CORO7: variants seen among roughly 807,000 people sequenced by gnomAD.
CORO7 encodes the protein coronin 7, also known as coronin-7.
Under a neutral mutation model 126.6 loss-of-function variants are expected in CORO7, and 107 were observed. That is an observed-to-expected ratio of 0.85 (90% CI 0.72 to 0.99). CORO7 has a LOEUF of 0.99. Among genes scored for constraint, CORO7 ranks in the 50% least tolerant of loss-of-function variants. CORO7 has a pLI of 0.00. For missense variants in CORO7, 1,314 were observed against 1,255.8 expected, an observed-to-expected ratio of 1.05 and a Z score of -0.70; for synonymous variants, 603 against 536.8, an observed-to-expected ratio of 1.12 and a Z score of -1.70.
At chr16:4,403,550 C>T (rs1253033965) in intron 6 of CORO7, among the ~76,000 whole-genome samples, 1 of 152,144 alleles carries the variant, frequency 6.6e-6, no homozygotes, top group African/African-American at 2.4e-5. Flanking sequence ...CAACTTTAAG[C>T]TCTGGGTTTA....
intron 9 of CORO7, chr16:4,382,626 C>A: frequency 6.4e-7 from 1 of 1,571,768 alleles, no homozygotes; most frequent in Non-Finnish European, 8.6e-7. Context: ...CCGCCCTGGC[C>A]GCGGTGCTCC....
rs1184908162 is a variant in CORO7 at position 4,360,559 on chromosome 16, G to A, written c.1918-11C>T. ...GGCCAGGCTGAAGATCTGGGGGCAGGAAGGGATATGAGAGACAGCCTTGCT... is the reference window on the plus strand; with the variant it reads ...GGCCAGGCTGAAGATCTGGGGGCAGAAAGGGATATGAGAGACAGCCTTGCT... On this transcript the variant is annotated splice_polypyrimidine_tract_variant and intron_variant, in intron 19 of 27. Coordinates refer to ENST00000251166, the MANE Select transcript of CORO7 (RefSeq NM_024535.5). 1 of 1,584,882 alleles carries A rather than the reference G, an allele frequency of 6.3e-7. No homozygotes were observed. The highest frequency in any genetic ancestry group is 8.6e-7 in the Non-Finnish European group (1 of 1,166,302).
intron 1 of CORO7, chr16:4,416,043 G>A: frequency 3.2e-6 from 1 of 314,168 alleles, no homozygotes; most frequent in Non-Finnish European, 4.7e-6. Flanking sequence ...CCACAGCCCA[G>A]CCAGGGGCAG....
chr16:4,382,985 C>A (rs180928330), intron 9 of CORO7: 59 of 1,363,492 alleles, frequency 4.3e-5, no homozygotes, highest in South Asian at 6.1e-5. Flanking sequence ...CGTAAGTTCT[C>A]AGTCCCAACC....
chr16:4,401,554 C>A (rs1354993768), intron 6 of CORO7, among the ~76,000 whole-genome samples: 1 of 152,120 alleles, frequency 6.6e-6, no homozygotes, highest in Non-Finnish European at 1.5e-5. Context: ...TGGCGAGGGA[C>A]AGAGAGAGGA....
intron 4 of CORO7, 72 bp from the exon 5 acceptor site, chr16:4,407,756 A>G: frequency 6.8e-7 from 1 of 1,475,320 alleles, no homozygotes; most frequent in Non-Finnish European, 9.0e-7. Flanking sequence ...CCGTGACCCC[A>G]GTGAGGTCCC....
intron 8 of CORO7, 101 bp from the exon 9 acceptor site, chr16:4,388,169 G>C: frequency 6.9e-7 from 1 of 1,445,962 alleles, no homozygotes. Context: ...CCTGACACGG[G>C]GCACCTGCCC....
At chr16:4,368,308 A>G (rs375964629) in intron 9 of CORO7, among the ~76,000 whole-genome samples, 69 of 150,884 alleles carry the variant, frequency 4.6e-4, no homozygotes, top group African/African-American at 1.6e-3. Flanking sequence ...GATGGCACCA[A>G]TGCATTCCAG....
At chr16:4,370,900 G>T (rs987356671) in intron 9 of CORO7, among the ~76,000 whole-genome samples, 1 of 152,234 alleles carries the variant, frequency 6.6e-6, no homozygotes, top group Admixed American at 6.5e-5. Flanking sequence ...AAGGCTCTCC[G>T]GAAGTCAGGA....
At chr16:4,403,476 G>C (rs1369481015) in intron 6 of CORO7, among the ~76,000 whole-genome samples, 1 of 152,170 alleles carries the variant, frequency 6.6e-6, no homozygotes, top group East Asian at 1.9e-4. Context: ...GGGAAGGAGG[G>C]GGAGTCGTTC....
At chr16:4,384,914 T>G (rs894134874) in intron 9 of CORO7, among the ~76,000 whole-genome samples, 1 of 149,618 alleles carries the variant, frequency 6.7e-6, no homozygotes, top group African/African-American at 2.5e-5. Context: ...CGGCGGCTGC[T>G]GAAGAAATGT....
At chr16:4,355,400 G>T in intron 26 of CORO7, 28 bp from the exon 27 acceptor site, 1 of 1,598,238 alleles carries the variant, frequency 6.3e-7, no homozygotes, top group Non-Finnish European at 8.5e-7. Context: ...AGAAGGGTAG[G>T]TAAGGGAATA....
chr16:4,387,497 A>C (rs1212438960), intron 9 of CORO7, among the ~76,000 whole-genome samples: 1 of 150,628 alleles, frequency 6.6e-6, no homozygotes, highest in African/African-American at 2.4e-5. Flanking sequence ...GGCCGCATAA[A>C]CCTCAGTGGG....
intron 6 of CORO7, 164 bp downstream of exon 6, chr16:4,405,327 G>C (rs2055957157): frequency 1.5e-6 from 1 of 659,054 alleles, no homozygotes; most frequent in Non-Finnish European, 2.3e-6. Flanking sequence ...ATGTAGGTGA[G>C]CGGGGGTGTG....
Position 4,391,507 on chromosome 16 carries a change from G to C in CORO7, c.616-2876C>G, listed in dbSNP as rs143273885. 2.4e-3 allele frequency among the ~76,000 whole-genome samples: 368 copies of C among 152,334 alleles called. 2 individuals carry two copies. In the South Asian group the frequency reaches 0.025, roughly 10 times the overall value. On this transcript the variant is annotated intron_variant, in intron 7 of 27. Coordinates refer to ENST00000251166, the MANE Select transcript of CORO7 (RefSeq NM_024535.5). ...GGAGGTGGAGCTCGCAGTGAGCCGA[G>C]ACTGTGCCCCTGTGCTCCAGCCTGG...
intron 8 of CORO7, 99 bp from the exon 9 acceptor site, chr16:4,388,167 G>A (rs762990504): frequency 1.9e-5 from 28 of 1,455,542 alleles, no homozygotes; most frequent in East Asian, 2.5e-5. Flanking sequence ...AGCCTGACAC[G>A]GGGCACCTGC....
intron 7 of CORO7, among the ~76,000 whole-genome samples, chr16:4,392,679 G>A (rs969296579): frequency 6.6e-6 from 1 of 152,226 alleles, no homozygotes; most frequent in Non-Finnish European, 1.5e-5. Flanking sequence ...GCCAGAGAAG[G>A]AGCTCCCAGA....
At chr16:4,356,257 C>G (rs1017245160) in intron 26 of CORO7, among the ~76,000 whole-genome samples, 7 of 151,516 alleles carry the variant, frequency 4.6e-5, no homozygotes, top group African/African-American at 1.7e-4. Flanking sequence ...CTGGCCACAC[C>G]TGGTTAATTT....
At chr16:4,413,429 T>C (rs1387586351) in intron 1 of CORO7, 25 bp from the exon 2 acceptor site, 1 of 1,552,980 alleles carries the variant, frequency 6.4e-7, no homozygotes, top group Non-Finnish European at 8.7e-7. Flanking sequence ...TAAAGAAGTA[T>C]GTGGTGAGAG....
Sources: gnomAD v4.1 joint callset for allele counts (sites outside exome capture counted in the v4.1 genomes callset) on GRCh38, gnomAD v4.1.1 for gene constraint, MANE v1.5 for transcripts, NCBI Gene and HGNC (gene_info 2026-07-23, HGNC 2026-07-21) for gene names.